Variants in DAB1 observed in about 807,000 individuals in gnomAD.
DAB1 encodes DAB adaptor protein 1.
A neutral mutation model predicts 64.6 loss-of-function variants in DAB1; 15 were observed. The observed-to-expected ratio is 0.23, with a 90% CI of 0.16 to 0.36. DAB1 has a LOEUF of 0.36. Among genes scored for constraint, DAB1 ranks in the 10% least tolerant of loss-of-function variants. The pLI is 1.00. For missense variants in DAB1, 596 were observed against 706.7 expected (o/e 0.84, Z 1.78); for synonymous variants, 235 against 251.9 (o/e 0.93, Z 0.64).
intron 5 of DAB1, among the ~76,000 whole-genome samples, chr1:57,971,300 T>G (rs939577555): frequency 2.6e-5 from 4 of 152,234 alleles, no homozygotes; most frequent in Non-Finnish European, 5.9e-5. Context: ...TCTCTACTTA[T>G]GAGTGTCTTG....
chr1:57,183,669 A>G lies in DAB1; in HGVS notation c.68-38240T>C, dbSNP rs570078554. Among the ~76,000 whole-genome samples the G allele has an allele frequency of 2.6e-4, 40 of 152,324 alleles. 1 individual carries two copies. In the South Asian group the frequency reaches 8.3e-3, roughly 32 times the overall value. Reference sequence around the variant, plus strand: ...GTTCCTAATAACTTGCCAGTTACACATTAGCTCATCTGGAACAATAAACCT... The same window carrying G: ...GTTCCTAATAACTTGCCAGTTACACGTTAGCTCATCTGGAACAATAAACCT... On this transcript the variant is annotated intron_variant, in intron 2 of 14. Transcript: ENST00000371236.
rs1672541687 is a variant in DAB1 at position 57,288,818 on chromosome 1, GGAA to G, written c.67+2143_67+2145del. Among the ~76,000 whole-genome samples, 4 of 152,104 alleles carry G rather than the reference GGAA, an allele frequency of 2.6e-5. No homozygotes were observed. The South Asian group carries it at 8.3e-4, about 32-fold the overall frequency. ...AGAAAAGGAAAAGGGAGGAAAAAGA[GGAA>G]GAAGATCACAGCTAACCTTTGTTAA... On this transcript the variant is annotated intron_variant, in intron 2 of 14. Coordinates refer to ENST00000371236, the MANE Select transcript of DAB1 (RefSeq NM_001365792.1).
chr1:58,169,897 T>A (rs999276151), intron 4 of DAB1, among the ~76,000 whole-genome samples: 1 of 152,150 alleles, frequency 6.6e-6, no homozygotes, highest in Non-Finnish European at 1.5e-5. Context: ...CTTCTCCCTC[T>A]CTGATTTGAA....
At chr1:58,152,089 A>G (rs1654974245) in intron 4 of DAB1, among the ~76,000 whole-genome samples, 1 of 152,182 alleles carries the variant, frequency 6.6e-6, no homozygotes, top group South Asian at 2.1e-4. Context: ...GCGAAAGAAG[A>G]TCAGATACAT....
intron 5 of DAB1, among the ~76,000 whole-genome samples, chr1:57,897,611 T>C (rs887067309): frequency 3.3e-5 from 5 of 152,118 alleles, no homozygotes; most frequent in African/African-American, 4.8e-5. Context: ...AGCCTTAAAA[T>C]TGTATTACTC....
chr1:58,355,862 T>A (rs895116135), intron 3 of DAB1, among the ~76,000 whole-genome samples: 1 of 152,202 alleles, frequency 6.6e-6, no homozygotes, highest in African/African-American at 2.4e-5. Flanking sequence ...GGCACCCTGC[T>A]TAGATAGGCA....
chr1:57,836,517 G>A (rs1445112522), intron 1 of DAB1, among the ~76,000 whole-genome samples: 6 of 152,050 alleles, frequency 3.9e-5, no homozygotes, highest in Admixed American at 2.0e-4. Flanking sequence ...TCACTCTTTC[G>A]GAGATGAGGG....
intron 9 of DAB1, among the ~76,000 whole-genome samples, chr1:57,060,847 T>A (rs1020301810): frequency 1.3e-5 from 2 of 152,056 alleles, no homozygotes; most frequent in African/African-American, 4.8e-5. Flanking sequence ...CTTGGATTTT[T>A]TTTTTTTCTG....
At chr1:57,424,203 C>T (rs1468788360), upstream of DAB1, 4 of 150,396 alleles carry the variant, frequency 2.7e-5, no homozygotes, top group Middle Eastern at 3.2e-3. Flanking sequence ...CCTGCTAGCT[C>T]CCCGGCCGCC....
chr1:57,619,130 A>C (rs1437383442), intron 7 of DAB1, among the ~76,000 whole-genome samples: 1 of 152,016 alleles, frequency 6.6e-6, no homozygotes. Flanking sequence ...AAACTGCAGG[A>C]CTCCTCAGGA....
intron 5 of DAB1, among the ~76,000 whole-genome samples, chr1:58,142,454 A>G (rs1570409806): frequency 6.6e-6 from 1 of 152,192 alleles, no homozygotes; most frequent in Admixed American, 6.5e-5. Context: ...TTGTTTCTGC[A>G]GGAAATGGAG....
At position 57,176,415 on chromosome 1, in the gene DAB1, A is replaced by G. The variant is rs992259589; in HGVS notation, c.68-30986T>C. Among the ~76,000 whole-genome samples, 8 of 152,176 alleles carry G rather than the reference A, an allele frequency of 5.3e-5. No individual in the cohort carries two copies. In the South Asian group the frequency reaches 1.7e-3, roughly 32 times the overall value. On this transcript the variant is annotated intron_variant, in intron 2 of 14. Transcript: ENST00000371236. Reference sequence around the variant, plus strand: ...AAAACCATCATATCTCATGAGACTCATTCACTATCAAGAGAACAGCTCATG... The same window carrying G: ...AAAACCATCATATCTCATGAGACTCGTTCACTATCAAGAGAACAGCTCATG...
At chr1:58,241,194 T>C (rs1292682545) in intron 4 of DAB1, among the ~76,000 whole-genome samples, 1 of 152,148 alleles carries the variant, frequency 6.6e-6, no homozygotes, top group Non-Finnish European at 1.5e-5. Context: ...AGCAGAAAAG[T>C]ATGTAATTAT....
At chr1:58,377,685 T>C (rs1644342537) in intron 3 of DAB1, among the ~76,000 whole-genome samples, 1 of 140,016 alleles carries the variant, frequency 7.1e-6, no homozygotes, top group Admixed American at 7.1e-5. Context: ...GAAGAGTATC[T>C]TTGTGGTGTT....
chr1:57,983,645 C>T (rs1241391444), intron 5 of DAB1, among the ~76,000 whole-genome samples: 1 of 152,206 alleles, frequency 6.6e-6, no homozygotes, highest in Non-Finnish European at 1.5e-5. Context: ...GACCCCAGCG[C>T]CGCTATTCCT....
At chr1:57,303,720 G>A (rs1016780761) in intron 1 of DAB1, among the ~76,000 whole-genome samples, 1 of 152,094 alleles carries the variant, frequency 6.6e-6, no homozygotes, top group African/African-American at 2.4e-5. Context: ...ATCATTTTCA[G>A]TAGAAGTAGA....
intron 2 of DAB1, among the ~76,000 whole-genome samples, chr1:57,226,849 C>T (rs1414500256): frequency 6.6e-6 from 1 of 151,750 alleles, no homozygotes; most frequent in Non-Finnish European, 1.5e-5. Flanking sequence ...TCTAAATTAT[C>T]ACCCATCCTG....
At chr1:57,739,826 C>T (rs1229623882) in intron 6 of DAB1, among the ~76,000 whole-genome samples, 1 of 151,866 alleles carries the variant, frequency 6.6e-6, no homozygotes, top group East Asian at 2.0e-4. Flanking sequence ...GAATTTTCAT[C>T]AGTAAAATCA....
At chr1:57,574,745 G>A (rs61250488) in intron 7 of DAB1, among the ~76,000 whole-genome samples, 1,814 of 152,244 alleles carry the variant, frequency 0.012, 52 homozygotes, top group African/African-American at 0.042. Flanking sequence ...GATCCCACCT[G>A]TTGGTGGGGT....
Sources: allele counts gnomAD v4.1 joint callset (sites outside exome capture counted in the v4.1 genomes callset), GRCh38; gene constraint gnomAD v4.1.1; transcripts MANE v1.5; gene names NCBI Gene and HGNC (gene_info 2026-07-23, HGNC 2026-07-21).